The following TMEM178A variants were observed in gnomAD, a reference collection of about 807,000 sequenced individuals.
TMEM178A encodes transmembrane protein 178.
Under a neutral mutation model 29.1 loss-of-function variants are expected in TMEM178A, and 12 were observed. The ratio of observed to expected loss-of-function variants is 0.41; its 90% CI spans 0.26 to 0.67. TMEM178A has a LOEUF of 0.67. Among genes scored for constraint, TMEM178A ranks in the 30% least tolerant of loss-of-function variants. The pLI, the probability that TMEM178A is intolerant of heterozygous loss-of-function variation, is 0.29. For synonymous variants in TMEM178A, 210 were observed against 187.2 expected (o/e 1.12, Z -0.99); for missense variants, 366 against 419.1 (o/e 0.87, Z 1.11).
At chr2:39,694,614 G>C (rs2148084485) in intron 1 of TMEM178A, among the ~76,000 whole-genome samples, 1 of 152,046 alleles carries the variant, frequency 6.6e-6, no homozygotes, top group East Asian at 1.9e-4. Context: ...TGAGACTATT[G>C]AGCATTTGAA....
At chr2:39,733,438 T>A in the TMEM178A span, among the ~76,000 whole-genome samples, 15 of 152,180 alleles carry the variant, frequency 9.9e-5, no homozygotes, top group African/African-American at 3.6e-4. Context: ...TAAGGCTCTT[T>A]ATATGACGTC....
chr2:39,676,505 C>A (rs1670629793), intron 1 of TMEM178A, among the ~76,000 whole-genome samples: 1 of 152,152 alleles, frequency 6.6e-6, no homozygotes, highest in Non-Finnish European at 1.5e-5. Context: ...AGAAGGCGTC[C>A]TGCAGACTTC....
chr2:39,666,289 G>T lies in TMEM178A; in HGVS notation c.315G>T (p.Arg105=), dbSNP rs1558438057. 1 of 1,417,918 alleles carries T rather than the reference G, an allele frequency of 7.1e-7. No homozygotes were observed. Among genetic ancestry groups the T allele is most frequent in the South Asian group, 1.5e-5 (1 of 68,696 alleles). 87.8% of individuals were successfully genotyped at this position (1,417,918 alleles called of 1,614,324 possible). A position where few individuals can be genotyped will look rare whatever the true frequency, so the allele number is the denominator to read the frequency against. The change falls in exon 1 of 4, where the codon CGG becomes CGT. Residue 105 remains arginine, a synonymous_variant. Transcript: ENST00000281961. ...GLGGLDAECG[R]PLFATYSGLW... is the part of the protein sequence containing the mutation. ...GCGGGCTGGACGCCGAGTGCGGCCG[G>T]CCCCTCTTCGCCACCTACTCGGGCC...
At chr2:39,675,708 A>G (rs897810937) in intron 1 of TMEM178A, among the ~76,000 whole-genome samples, 6 of 151,940 alleles carry the variant, frequency 3.9e-5, no homozygotes, top group African/African-American at 1.5e-4. Context: ...TTAAAATGCC[A>G]GACATTTTTT....
chr2:39,684,059 A>G (rs576667799), intron 1 of TMEM178A, among the ~76,000 whole-genome samples: 1 of 152,344 alleles, frequency 6.6e-6, no homozygotes, highest in South Asian at 2.1e-4. Context: ...TGAAGAGTGC[A>G]TGCATCTACC....
intron 1 of TMEM178A, among the ~76,000 whole-genome samples, chr2:39,685,513 T>G (rs942672524): frequency 6.6e-6 from 1 of 152,236 alleles, no homozygotes; most frequent in Non-Finnish European, 1.5e-5. Context: ...GGCTTTTGTT[T>G]GTTTTCATTC....
At chr2:39,671,601 G>T (rs1210929737) in intron 1 of TMEM178A, among the ~76,000 whole-genome samples, 2 of 152,120 alleles carry the variant, frequency 1.3e-5, no homozygotes, top group Non-Finnish European at 2.9e-5. Context: ...GAAATTCTTT[G>T]GGCATCACTC....
At chr2:39,719,079 C>T (rs1672649808), downstream of TMEM178A, among the ~76,000 whole-genome samples, 1 of 152,210 alleles carries the variant, frequency 6.6e-6, no homozygotes, top group African/African-American at 2.4e-5. Flanking sequence ...CCAGCTTTGG[C>T]TCCGTGGCTC....
rs1672569746 is a variant in TMEM178A at position 39,717,030 on chromosome 2, C to T, written c.673C>T (p.Leu225Phe). The part of the protein sequence containing the change: ...LMTGIFCTIS[L>F]CTYAASISYD... ...TATAGGGATATTTTGCACCATTTCCCTCTGTACTTATGCCGCCAGTATCTC... is the reference window on the plus strand; with the variant it reads ...TATAGGGATATTTTGCACCATTTCCTTCTGTACTTATGCCGCCAGTATCTC... Residue 225 changes from leucine to phenylalanine, a missense_variant, in exon 4 of 4, where the codon CTC (leucine) becomes TTC (phenylalanine). Leu to Phe is a conservative substitution (Grantham distance 22). Around this residue, in one of 2 missense-constraint regions of TMEM178A, gnomAD observed 119 missense variants for 172.2 expected, o/e 0.69. Coordinates refer to ENST00000281961, the MANE Select transcript of TMEM178A (RefSeq NM_152390.3). 6.2e-7 allele frequency: 1 copy of T among 1,611,208 alleles called. No homozygotes were observed. The highest frequency in any genetic ancestry group is 1.7e-5 in the Admixed American group (1 of 59,500).
At chr2:39,704,756 T>TA (rs1269958183) in intron 2 of TMEM178A, among the ~76,000 whole-genome samples, 1 of 152,214 alleles carries the variant, frequency 6.6e-6, no homozygotes, top group Non-Finnish European at 1.5e-5. Context: ...GATATTTACC[T>TA]AAAAACTGTT....
the TMEM178A span, among the ~76,000 whole-genome samples, chr2:39,735,340 A>T: frequency 0.43 from 66,005 of 151,890 alleles, 15,527 homozygotes; most frequent in East Asian, 0.75. Context: ...GCTGGCTGAG[A>T]CCCCTGCTTT....
At chr2:39,730,088 C>T in the TMEM178A span, among the ~76,000 whole-genome samples, 2 of 152,254 alleles carry the variant, frequency 1.3e-5, no homozygotes, top group South Asian at 4.2e-4. Flanking sequence ...ACACTCCAGC[C>T]CACATAATTC....
chr2:39,679,769 G>T (rs770753640), intron 1 of TMEM178A, among the ~76,000 whole-genome samples: 18 of 152,048 alleles, frequency 1.2e-4, no homozygotes, highest in African/African-American at 4.3e-4. Context: ...CCAGTAAAAC[G>T]GTTGCAATTC....
At chr2:39,718,245 C>T (rs1672625916), downstream of TMEM178A, among the ~76,000 whole-genome samples, 1 of 152,126 alleles carries the variant, frequency 6.6e-6, no homozygotes, top group South Asian at 2.1e-4. Flanking sequence ...TCTTCCTCCC[C>T]TGTTTACCAT....
intron 3 of TMEM178A, among the ~76,000 whole-genome samples, chr2:39,708,057 T>C (rs1672116980): frequency 6.6e-6 from 1 of 152,206 alleles, no homozygotes; most frequent in Non-Finnish European, 1.5e-5. Flanking sequence ...TCATTTTTAT[T>C]GTGGAGAGAC....
At chr2:39,697,103 A>G (rs1671576578) in intron 1 of TMEM178A, among the ~76,000 whole-genome samples, 1 of 152,226 alleles carries the variant, frequency 6.6e-6, no homozygotes, top group Non-Finnish European at 1.5e-5. Context: ...GGATTTTAAC[A>G]GTATAAATTA....
chr2:39,713,941 T>C (rs1228540385), intron 3 of TMEM178A, among the ~76,000 whole-genome samples: 1 of 152,232 alleles, frequency 6.6e-6, no homozygotes, highest in African/African-American at 2.4e-5. Flanking sequence ...AGGCTTCTTT[T>C]ACAGAAGCTT....
the TMEM178A span, among the ~76,000 whole-genome samples, chr2:39,724,851 G>A: frequency 6.6e-6 from 1 of 152,194 alleles, no homozygotes; most frequent in African/African-American, 2.4e-5. Context: ...GCATGTCCAA[G>A]TATCTATATT....
chr2:39,688,107 G>T (rs1671158741), intron 1 of TMEM178A, among the ~76,000 whole-genome samples: 1 of 152,252 alleles, frequency 6.6e-6, no homozygotes, highest in African/African-American at 2.4e-5. Flanking sequence ...GTTTAATTAT[G>T]TGGCCTTTGG....
Sources: allele counts gnomAD v4.1 joint callset (sites outside exome capture counted in the v4.1 genomes callset), GRCh38; gene constraint gnomAD v4.1.1; regional missense constraint gnomAD v4.1.1; transcripts MANE v1.5; gene names NCBI Gene and HGNC (gene_info 2026-07-23, HGNC 2026-07-21).